The following ACKR3 variants were observed in gnomAD, a reference collection of about 807,000 sequenced individuals.
ACKR3 encodes the protein C-X-C chemokine receptor type 7.
A neutral mutation model predicts 22.4 loss-of-function variants in ACKR3; 6 were observed. The ratio of observed to expected loss-of-function variants is 0.27; its 90% CI spans 0.15 to 0.53. The LOEUF (loss-of-function observed/expected upper bound fraction) is 0.53, where lower values mean the gene tolerates loss of function less well. ACKR3 is among the 20% of genes least tolerant of loss of function. ACKR3 has a pLI of 0.96. For synonymous variants in ACKR3, 209 were observed against 205.2 expected, an observed-to-expected ratio of 1.02 and a Z score of -0.16; for missense variants, 396 against 475.2, an observed-to-expected ratio of 0.83 and a Z score of 1.55.
At chr2:236,545,816 A>G in the ACKR3 span, among the ~76,000 whole-genome samples, 1 of 152,240 alleles carries the variant, frequency 6.6e-6, no homozygotes, top group African/African-American at 2.4e-5. The surrounding 1 kb of genome is among the most constrained non-coding windows in gnomAD (Gnocchi z 5.3). Flanking sequence ...TATTAGAAAG[A>G]GAAGTCATGT....
chr2:236,540,321 T>C, the ACKR3 span, among the ~76,000 whole-genome samples: 7 of 152,206 alleles, frequency 4.6e-5, no homozygotes, highest in South Asian at 4.2e-4. Flanking sequence ...TGACCATTCA[T>C]GTATGTAAAT....
intron 1 of ACKR3, 68 bp downstream of exon 1, chr2:236,569,992 G>A (rs2106498368): frequency 1.3e-5 from 2 of 152,362 alleles, no homozygotes; most frequent in Middle Eastern, 3.4e-3. Flanking sequence ...CTTAAGCCAA[G>A]TGGTCTTTTC....
chr2:236,568,800 T>C (rs530564853), upstream of ACKR3, among the ~76,000 whole-genome samples: 6 of 152,312 alleles, frequency 3.9e-5, no homozygotes, highest in Admixed American at 2.6e-4. Context: ...ATAAAAAGAA[T>C]CTCGAAAAGT....
the ACKR3 span, among the ~76,000 whole-genome samples, chr2:236,550,485 G>C: frequency 6.6e-6 from 1 of 152,196 alleles, no homozygotes; most frequent in Admixed American, 6.5e-5. The surrounding 1 kb of genome is among the most constrained non-coding windows in gnomAD (Gnocchi z 4.6). Context: ...ACCTTCTGAG[G>C]ATATCCAGCT....
the ACKR3 span, among the ~76,000 whole-genome samples, chr2:236,548,927 A>C: frequency 6.6e-6 from 1 of 152,258 alleles, no homozygotes; most frequent in Non-Finnish European, 1.5e-5. This position sits in a 1 kb window ranked among gnomAD's most constrained non-coding sequence, Gnocchi z 4.3. Flanking sequence ...GATGACAAGC[A>C]ACAAGGGCGC....
chr2:236,560,490 C>T, the ACKR3 span, among the ~76,000 whole-genome samples: 1 of 152,084 alleles, frequency 6.6e-6, no homozygotes, highest in African/African-American at 2.4e-5. Context: ...GGAGAAATGT[C>T]TATTCAAGTC....
chr2:236,579,240 A>G (rs1691473077), intron 1 of ACKR3, among the ~76,000 whole-genome samples: 1 of 152,212 alleles, frequency 6.6e-6, no homozygotes, highest in African/African-American at 2.4e-5. Context: ...CCTGGAATCC[A>G]CTTTAAATGA....
chr2:236,554,759 C>G, the ACKR3 span, among the ~76,000 whole-genome samples: 3 of 152,222 alleles, frequency 2.0e-5, no homozygotes, highest in Non-Finnish European at 4.4e-5. Flanking sequence ...TGCTAACACA[C>G]CAAACTAGGA....
the ACKR3 span, among the ~76,000 whole-genome samples, chr2:236,550,428 A>C: frequency 6.6e-6 from 1 of 152,228 alleles, no homozygotes; most frequent in Non-Finnish European, 1.5e-5. The surrounding 1 kb of genome is among the most constrained non-coding windows in gnomAD (Gnocchi z 4.6). Context: ...ATGTGTCAAC[A>C]TTCTTCACGT....
chr2:236,538,698 C>T, the ACKR3 span, among the ~76,000 whole-genome samples: 3 of 152,206 alleles, frequency 2.0e-5, no homozygotes, highest in East Asian at 1.9e-4. Flanking sequence ...AGTGTAGGCA[C>T]GGTTGCCAGA....
chr2:236,565,678 T>C (rs1691163284), upstream of ACKR3, among the ~76,000 whole-genome samples: 1 of 152,184 alleles, frequency 6.6e-6, no homozygotes, highest in Non-Finnish European at 1.5e-5. Flanking sequence ...TAATCTATCT[T>C]ATGTGGATTA....
At chr2:236,543,388 T>C in the ACKR3 span, among the ~76,000 whole-genome samples, 1 of 152,172 alleles carries the variant, frequency 6.6e-6, no homozygotes, top group Non-Finnish European at 1.5e-5. Flanking sequence ...ATGACTGCTA[T>C]GTTCCAAAGC....
intron 1 of ACKR3, among the ~76,000 whole-genome samples, chr2:236,576,865 A>G (rs1691422373): frequency 1.3e-5 from 2 of 152,260 alleles, no homozygotes; most frequent in African/African-American, 4.8e-5. Context: ...AAGCTATAGT[A>G]TGACATTTTT....
At chr2:236,563,143 A>G (rs1484904946), upstream of ACKR3, among the ~76,000 whole-genome samples, 3 of 152,220 alleles carry the variant, frequency 2.0e-5, no homozygotes, top group Non-Finnish European at 4.4e-5. Flanking sequence ...ATATGTGTTA[A>G]GTTTTCCTAA....
chr2:236,560,311 G>C, the ACKR3 span, among the ~76,000 whole-genome samples: 1 of 123,316 alleles, frequency 8.1e-6, no homozygotes, highest in Admixed American at 7.9e-5. Context: ...ACCAGCACTT[G>C]TTGCCTTTTT....
rs986321852 is a variant in ACKR3, at chr2:236,577,376, G to C, written c.-26-3064G>C. 1.3e-5 allele frequency among the ~76,000 whole-genome samples: 2 copies of C among 152,150 alleles called. No individual in the cohort carries two copies. Among genetic ancestry groups the C allele is most frequent in the African/African-American group, 4.8e-5 (2 of 41,432 alleles). ...CCAATGGTCCCTAAATCAAATTTTCGTCACCCAAAGAGGCAAAGGTAGAAA... is the reference window on the plus strand; with the variant it reads ...CCAATGGTCCCTAAATCAAATTTTCCTCACCCAAAGAGGCAAAGGTAGAAA... On this transcript the variant is annotated intron_variant, in intron 1 of 1. Transcript: ENST00000272928. The surrounding 1 kb of genome is among the most constrained non-coding windows in gnomAD (Gnocchi z 5.6).
the ACKR3 span, among the ~76,000 whole-genome samples, chr2:236,542,971 C>T: frequency 1.1e-5 from 1 of 88,210 alleles, no homozygotes; most frequent in South Asian, 2.8e-4. Flanking sequence ...TGATAAATGT[C>T]AAGGCTACAA....
rs139490851 is a variant in ACKR3, at chr2:236,581,032, G to A, written c.567G>A (p.Ala189=). ...DTYYLKTVTS[A]SNNETYCRSF... ...ACTACCTGAAGACCGTCACGTCTGC[G>A]TCCAACAATGAGACCTACTGCCGGT... Residue 189 remains alanine (A), a synonymous_variant, in exon 2 of 2, where the codon GCG becomes GCA. Transcript: ENST00000272928. The surrounding 1 kb of genome is among the most constrained non-coding windows in gnomAD (Gnocchi z 4.4). The A allele has an allele frequency of 1.5e-5, 25 of 1,614,106 alleles. No individual in the cohort carries two copies. The highest frequency in any genetic ancestry group is 1.6e-4 in the Middle Eastern group (1 of 6,062).
the ACKR3 span, among the ~76,000 whole-genome samples, chr2:236,560,041 C>G: frequency 2.6e-5 from 4 of 152,220 alleles, no homozygotes; most frequent in Admixed American, 2.6e-4. Context: ...TTAAAATCAA[C>G]TTGCCAATTA....
Sources: gnomAD v4.1 joint callset for allele counts (sites outside exome capture counted in the v4.1 genomes callset) on GRCh38, gnomAD v4.1.1 for gene constraint, Gnocchi (gnomAD v3.1) non-coding constraint, MANE v1.5 for transcripts, NCBI Gene and HGNC (gene_info 2026-07-23, HGNC 2026-07-21) for gene names.